The following THSD7B variants were observed in gnomAD, a reference collection of about 807,000 sequenced individuals.
The protein encoded by THSD7B is thrombospondin type-1 domain-containing protein 7B.
THSD7B carries 138 observed loss-of-function variants against 213.6 expected under a neutral mutation model. That is an observed-to-expected ratio of 0.65 (90% CI 0.56 to 0.74). THSD7B has a LOEUF of 0.74. THSD7B is among the 30% of genes least tolerant of loss of function. THSD7B has a pLI of 0.00. For missense variants in THSD7B, 1,931 were observed against 1,991.5 expected (o/e 0.97, Z 0.58); for synonymous variants, 742 against 687.0 (o/e 1.08, Z -1.25).
At chr2:137,360,088 T>A (rs1202847019) in intron 12 of THSD7B, among the ~76,000 whole-genome samples, 2 of 152,130 alleles carry the variant, frequency 1.3e-5, no homozygotes, top group African/African-American at 2.4e-5. Flanking sequence ...GTCAAACAGG[T>A]CATGTAGAAG....
intron 10 of THSD7B, among the ~76,000 whole-genome samples, chr2:137,262,906 GC>G (rs1682486048): frequency 6.6e-6 from 1 of 152,092 alleles, no homozygotes; most frequent in African/African-American, 2.4e-5. Context: ...ATTCTGATAT[GC>G]AGCTGGAATT....
rs59100734 is a variant in THSD7B, at chr2:137,213,030, TA to T, written c.1724-17997del. Among the ~76,000 whole-genome samples, 546 of 126,744 alleles carry T rather than the reference TA, an allele frequency of 4.3e-3. 3 individuals carry two copies. The highest frequency in any genetic ancestry group is 0.011 in the African/African-American group (378 of 34,150). 83.1% of individuals were successfully genotyped at this position (126,744 alleles called of 152,430 possible). On this transcript the variant is annotated intron_variant, in intron 7 of 27. Coordinates refer to ENST00000409968, the MANE Select transcript of THSD7B (RefSeq NM_001316349.2). ...ATTGCATAAGGTGATATCTGTATGCTAAAAAAAAAAAAAAAAAGGTTATACA... is the reference window on the plus strand; with the variant it reads ...ATTGCATAAGGTGATATCTGTATGCTAAAAAAAAAAAAAAAAGGTTATACA...
intron 15 of THSD7B, 134 bp downstream of exon 15, chr2:137,451,157 G>A (rs927142791): frequency 3.3e-6 from 3 of 906,114 alleles, no homozygotes; most frequent in Admixed American, 7.5e-5. Context: ...AGGATTAAGA[G>A]GGCCAAAATT....
chr2:137,461,780 A>G (rs1687891361), intron 15 of THSD7B, among the ~76,000 whole-genome samples: 1 of 152,122 alleles, frequency 6.6e-6, no homozygotes, highest in African/African-American at 2.4e-5. Flanking sequence ...ATGCTCAAAT[A>G]ACCATGCTCA....
rs1033305463 is a variant in THSD7B, at chr2:137,563,321, G to A, written c.3239G>A (p.Arg1080His). The A allele has an allele frequency of 3.2e-5, 52 of 1,613,190 alleles. No homozygotes were observed. The highest frequency in any genetic ancestry group is 6.7e-5 in the African/African-American group (5 of 74,862). The part of the protein sequence containing the change: ...CKINNELRSL[R>H]CGGGTQSRKI... Reference sequence around the variant, plus strand: ...ATCAACAATGAGCTGAGGTCCCTGCGCTGTGGAGGAGGAACACAATCTAGG... The same window carrying A: ...ATCAACAATGAGCTGAGGTCCCTGCACTGTGGAGGAGGAACACAATCTAGG... The change falls in exon 16 of 28, where the codon CGC becomes CAC. Residue 1080 changes from arginine (R) to histidine (H), a missense_variant. Coordinates refer to ENST00000409968, the MANE Select transcript of THSD7B (RefSeq NM_001316349.2).
At chr2:137,630,080 G>A (rs1054166383) in intron 20 of THSD7B, among the ~76,000 whole-genome samples, 1 of 151,728 alleles carries the variant, frequency 6.6e-6, no homozygotes, top group East Asian at 1.9e-4. Flanking sequence ...TGCACCCTCT[G>A]CCTCCTGGGC....
intron 14 of THSD7B, among the ~76,000 whole-genome samples, chr2:137,435,618 T>A (rs372720649): frequency 5.3e-5 from 8 of 152,266 alleles, no homozygotes; most frequent in East Asian, 3.9e-4. Flanking sequence ...TGAAGAACAT[T>A]TTCATGTCCA....
At chr2:136,891,550 G>A (rs1490346324) in intron 2 of THSD7B, among the ~76,000 whole-genome samples, 2 of 152,188 alleles carry the variant, frequency 1.3e-5, no homozygotes, top group African/African-American at 4.8e-5. Context: ...AAAGATAGAA[G>A]CTCAGACCTC....
intron 17 of THSD7B, among the ~76,000 whole-genome samples, chr2:137,591,876 G>C (rs1181726286): frequency 3.3e-5 from 5 of 151,470 alleles, no homozygotes; most frequent in African/African-American, 1.2e-4. Flanking sequence ...CAGTTATGCT[G>C]TTTTTCTTTC....
Position 137,288,804 on chromosome 2 carries a change from TATA to T in THSD7B, c.2500+12779_2500+12781del, listed in dbSNP as rs1558744200. ...TTTCTAGAAACATAATATATATATA[TATA>T]TATATTAGAATCATTTGTTTAAAGT... is the stretch of plus-strand genomic sequence containing the variant. On this transcript the variant is annotated intron_variant, in intron 12 of 27. Coordinates refer to ENST00000409968, the MANE Select transcript of THSD7B (RefSeq NM_001316349.2). 2.8e-4 allele frequency among the ~76,000 whole-genome samples: 43 copies of T among 151,516 alleles called. 1 individual carries two copies. The highest frequency in any genetic ancestry group is 1.1e-3 in the Admixed American group (17 of 15,196).
chr2:137,501,315 ATTTC>A (rs1679698921), intron 15 of THSD7B, among the ~76,000 whole-genome samples: 1 of 152,130 alleles, frequency 6.6e-6, no homozygotes, highest in South Asian at 2.1e-4. Flanking sequence ...AATATGGTAT[ATTTC>A]TTTTTATGAA....
intron 15 of THSD7B, among the ~76,000 whole-genome samples, chr2:137,536,925 G>C (rs1325743599): frequency 2.6e-5 from 4 of 151,692 alleles, no homozygotes; most frequent in African/African-American, 9.7e-5. Flanking sequence ...TAATGCATTT[G>C]TTATTTACCC....
chr2:137,362,660 G>C (rs1685295095), intron 12 of THSD7B, among the ~76,000 whole-genome samples: 1 of 152,154 alleles, frequency 6.6e-6, no homozygotes, highest in South Asian at 2.1e-4. Flanking sequence ...TAATGGTAAA[G>C]GGATCAATTC....
At chr2:137,083,621 T>G (rs545472085) in intron 3 of THSD7B, among the ~76,000 whole-genome samples, 1 of 152,276 alleles carries the variant, frequency 6.6e-6, no homozygotes, top group East Asian at 1.9e-4. Context: ...TCATTAAAAG[T>G]AATAGCATAC....
At position 136,880,262 on chromosome 2, in the gene THSD7B, C is replaced by G. The variant is rs115205881; in HGVS notation, c.-35-1882C>G. 9.0e-3 allele frequency among the ~76,000 whole-genome samples: 1,370 copies of G among 152,256 alleles called. 23 individuals are homozygous for G. The highest frequency in any genetic ancestry group is 0.031 in the African/African-American group (1,286 of 41,562). On this transcript the variant is annotated intron_variant, in intron 1 of 27. Transcript: ENST00000409968. ...GTAAAAGAACAGAAATTATAACAAG[C>G]TATTTCTTTTCCTTGGCCACTAGGA... is the stretch of plus-strand genomic sequence containing the variant.
chr2:136,949,257 C>G (rs867965553), intron 2 of THSD7B, among the ~76,000 whole-genome samples: 4 of 152,156 alleles, frequency 2.6e-5, no homozygotes, highest in Non-Finnish European at 2.9e-5. Context: ...GCTTTCACCA[C>G]AAAATGTAAG....
chr2:137,192,871 A>G (rs1680686975), intron 7 of THSD7B, among the ~76,000 whole-genome samples: 1 of 152,180 alleles, frequency 6.6e-6, no homozygotes, highest in Non-Finnish European at 1.5e-5. Flanking sequence ...GGAAATGCTG[A>G]GTGGGGTTTT....
intron 27 of THSD7B, among the ~76,000 whole-genome samples, chr2:137,672,649 T>TAGAG (rs1231585942): frequency 6.6e-6 from 1 of 152,202 alleles, no homozygotes; most frequent in African/African-American, 2.4e-5. Context: ...ATGACAGTTT[T>TAGAG]AGAGATTTTA....
intron 12 of THSD7B, among the ~76,000 whole-genome samples, chr2:137,313,910 C>T (rs1253682869): frequency 6.6e-6 from 1 of 152,124 alleles, no homozygotes; most frequent in Admixed American, 6.5e-5. Context: ...TTGAGCGTAA[C>T]CCGACCTTTC....
Sources: gnomAD v4.1 joint callset for allele counts (sites outside exome capture counted in the v4.1 genomes callset) on GRCh38, gnomAD v4.1.1 for gene constraint, MANE v1.5 for transcripts, NCBI Gene and HGNC (gene_info 2026-07-23, HGNC 2026-07-21) for gene names.